DCDC2: variants seen among roughly 807,000 people sequenced by gnomAD.
DCDC2 encodes the protein doublecortin domain-containing protein 2.
A neutral mutation model predicts 50.2 loss-of-function variants in DCDC2; 40 were observed. The observed-to-expected ratio is 0.80, with a 90% CI of 0.62 to 1.04. DCDC2 has a LOEUF of 1.04. Among genes scored for constraint, DCDC2 ranks in the 50% least tolerant of loss-of-function variants. The probability of loss-of-function intolerance (pLI) is 0.00; values close to 1 mark genes in which losing one functional copy is unlikely to be tolerated. For synonymous variants in DCDC2, 234 were observed against 210.6 expected (o/e 1.11, Z -0.96); for missense variants, 570 against 581.9 (o/e 0.98, Z 0.21).
In DCDC2 at chr6:24,222,713, T is replaced by C. The variant is rs1385609240; in HGVS notation, c.923-17611A>G. ...TCCTAAAGCTTATGTATATTATTTC[T>C]CGTTAAAAATAAGAACATACTAAAA... is the stretch of plus-strand genomic sequence containing the variant. On this transcript the variant is annotated intron_variant, in intron 7 of 9. Coordinates refer to ENST00000378454, the MANE Select transcript of DCDC2 (RefSeq NM_016356.5). Among the ~76,000 whole-genome samples the C allele has an allele frequency of 2.0e-5, 3 of 152,324 alleles. No homozygotes were observed. The East Asian group carries it at 5.8e-4, about 29-fold the overall frequency.
chr6:24,224,161 C>T (rs1375672985), intron 7 of DCDC2, among the ~76,000 whole-genome samples: 3 of 152,196 alleles, frequency 2.0e-5, no homozygotes, highest in Non-Finnish European at 4.4e-5. Flanking sequence ...GGAATGGGCT[C>T]TCTATCCAGC....
At chr6:24,186,136 G>A (rs369089131) in intron 8 of DCDC2, among the ~76,000 whole-genome samples, 2 of 152,262 alleles carry the variant, frequency 1.3e-5, no homozygotes, top group South Asian at 4.2e-4. Context: ...GAAGTAATAC[G>A]AATGTACAAA....
intron 7 of DCDC2, among the ~76,000 whole-genome samples, chr6:24,275,222 TGAA>T: frequency 6.6e-6 from 1 of 152,164 alleles, no homozygotes; most frequent in East Asian, 1.9e-4. Context: ...TAAATGAATA[TGAA>T]GGCTGAATTA....
rs1210942369 is a variant in DCDC2, at chr6:24,232,002, TATAC to T, written c.923-26904_923-26901del. On this transcript the variant is annotated intron_variant, in intron 7 of 9. Transcript: ENST00000378454. Reference sequence around the variant, plus strand: ...CATGACTTTAGTAATTTCATATATATATACACACACACACACACACACACACATA... The same window carrying T: ...CATGACTTTAGTAATTTCATATATATACACACACACACACACACACACATA... 5.7e-5 allele frequency among the ~76,000 whole-genome samples: 4 copies of T among 70,284 alleles called. No homozygotes were observed. The East Asian group carries it at 3.3e-3, about 57-fold the overall frequency. The allele number at this position is 70,284 out of a possible 152,430, so 46.1% of individuals were successfully genotyped here.
chr6:24,218,249 A>G (rs1762023003), intron 7 of DCDC2, among the ~76,000 whole-genome samples: 1 of 152,230 alleles, frequency 6.6e-6, no homozygotes, highest in African/African-American at 2.4e-5. Flanking sequence ...CAAATGAGCC[A>G]TAAAATAGTA....
the DCDC2 span, among the ~76,000 whole-genome samples, chr6:24,381,306 A>G: frequency 1.3e-5 from 2 of 152,204 alleles, no homozygotes; most frequent in Admixed American, 1.3e-4. Context: ...ATTATTAACC[A>G]TAGTCACCAC....
At chr6:24,186,805 C>A (rs2799372) in intron 8 of DCDC2, among the ~76,000 whole-genome samples, 11 of 151,958 alleles carry the variant, frequency 7.2e-5, no homozygotes, top group Admixed American at 1.3e-4. Flanking sequence ...GAACTGTACC[C>A]TCCCTCACAA....
At position 24,278,305 on chromosome 6, in the gene DCDC2, C is replaced by G. The variant is rs997297613; in HGVS notation, c.760-94G>C. 1.1e-5 allele frequency: 13 copies of G among 1,161,752 alleles called. No homozygotes were observed. The Admixed American group carries it at 3.0e-4, about 27-fold the overall frequency. The allele number at this position is 1,161,752 out of a possible 1,614,324, so 72.0% of individuals were successfully genotyped here. ...TGTCATTAACTACTGGTAAGCAGGG[C>G]AGGGGCAGGGAGGTGTATTGTCCTG... On this transcript the variant is annotated intron_variant, in intron 6 of 9. Coordinates refer to ENST00000378454, the MANE Select transcript of DCDC2 (RefSeq NM_016356.5).
intron 7 of DCDC2, among the ~76,000 whole-genome samples, chr6:24,222,909 T>C (rs1420623925): frequency 1.3e-5 from 2 of 152,256 alleles, no homozygotes; most frequent in Non-Finnish European, 2.9e-5. Flanking sequence ...ATTTTCCTTT[T>C]TTAAGCAGTA....
At chr6:24,183,377 C>T (rs988504784) in intron 8 of DCDC2, among the ~76,000 whole-genome samples, 3 of 152,256 alleles carry the variant, frequency 2.0e-5, no homozygotes, top group South Asian at 2.1e-4. Context: ...CATTCTGCAT[C>T]GCTGAAGAGC....
intron 2 of DCDC2, among the ~76,000 whole-genome samples, chr6:24,322,861 T>G (rs760765412): frequency 6.6e-6 from 1 of 152,344 alleles, no homozygotes; most frequent in African/African-American, 2.4e-5. Context: ...CCCGACCACC[T>G]TGGGCACAAG....
the DCDC2 span, among the ~76,000 whole-genome samples, chr6:24,371,289 AAAAAG>A: frequency 9.5e-3 from 1,336 of 141,024 alleles, 34 homozygotes; most frequent in African/African-American, 0.027. Flanking sequence ...AAAAAAAAAA[AAAAAG>A]AAAAGAAAAG....
chr6:24,179,907 T>C (rs1343147416), intron 8 of DCDC2, among the ~76,000 whole-genome samples: 5 of 127,854 alleles, frequency 3.9e-5, no homozygotes, highest in African/African-American at 9.1e-5. Context: ...TGAGCCCAGA[T>C]AGTGCTACTG....
At chr6:24,214,397 TA>T (rs1761933938) in intron 7 of DCDC2, among the ~76,000 whole-genome samples, 1 of 152,200 alleles carries the variant, frequency 6.6e-6, no homozygotes, top group South Asian at 2.1e-4. Context: ...ACACTTCTGT[TA>T]TTTTTAGATA....
chr6:24,363,591 T>C, the DCDC2 span, among the ~76,000 whole-genome samples: 1 of 152,236 alleles, frequency 6.6e-6, no homozygotes, highest in Non-Finnish European at 1.5e-5. Flanking sequence ...ATTATATATT[T>C]CTGCTTAAGC....
intron 7 of DCDC2, among the ~76,000 whole-genome samples, chr6:24,223,143 T>C (rs1291200321): frequency 3.3e-5 from 5 of 152,218 alleles, no homozygotes; most frequent in Non-Finnish European, 5.9e-5. Flanking sequence ...AAGATGAAGC[T>C]CATAATATCA....
At chr6:24,246,397 T>C (rs903000973) in intron 7 of DCDC2, among the ~76,000 whole-genome samples, 1 of 151,914 alleles carries the variant, frequency 6.6e-6, no homozygotes, top group Non-Finnish European at 1.5e-5. Context: ...TCCATTTAAA[T>C]TGTACGCCAT....
At chr6:24,232,010 C>T (rs202131220) in intron 7 of DCDC2, among the ~76,000 whole-genome samples, 27 of 98,372 alleles carry the variant, frequency 2.7e-4, no homozygotes, top group South Asian at 1.5e-3. Flanking sequence ...TATATACACA[C>T]ACACACACAC....
chr6:24,296,615 A>G (rs1208467739), intron 4 of DCDC2, among the ~76,000 whole-genome samples: 1 of 152,204 alleles, frequency 6.6e-6, no homozygotes, highest in Non-Finnish European at 1.5e-5. Context: ...ACTTAAACTT[A>G]CAAGAAAAAA....
Sources: gnomAD v4.1 joint callset for allele counts (sites outside exome capture counted in the v4.1 genomes callset) on GRCh38, gnomAD v4.1.1 for gene constraint, MANE v1.5 for transcripts, NCBI Gene and HGNC (gene_info 2026-07-23, HGNC 2026-07-21) for gene names.